CLPB: variants seen among roughly 807,000 people sequenced by gnomAD.
CLPB encodes the protein mitochondrial disaggregase.
CLPB carries 40 observed loss-of-function variants against 78.4 expected under a neutral mutation model. The observed-to-expected ratio is 0.51, with a 90% confidence interval of 0.40 to 0.66. The LOEUF is 0.66. Ranked by LOEUF, CLPB falls within the 30% of genes least tolerant of loss-of-function variation. The pLI, the probability that CLPB is intolerant of heterozygous loss-of-function variation, is 0.00. For synonymous variants in CLPB, 333 were observed against 348.0 expected (o/e 0.96, Z 0.48); for missense variants, 780 against 886.9 (o/e 0.88, Z 1.53).
intron 5 of CLPB, among the ~76,000 whole-genome samples, chr11:72,345,638 T>C (rs1950499266): frequency 6.6e-6 from 1 of 152,224 alleles, no homozygotes; most frequent in Admixed American, 6.5e-5. Flanking sequence ...CTTTGACTTT[T>C]AGAAATGAGA....
chr11:72,301,007 C>G (rs1256842992), intron 11 of CLPB, among the ~76,000 whole-genome samples: 1 of 152,212 alleles, frequency 6.6e-6, no homozygotes, highest in Non-Finnish European at 1.5e-5. Flanking sequence ...CTTTACACAG[C>G]AGCTGTGGCC....
chr11:72,317,020 T>C, intron 7 of CLPB, 86 bp downstream of exon 7: 1 of 815,044 alleles, frequency 1.2e-6, no homozygotes, highest in East Asian at 2.7e-5. Context: ...TTTAATATTA[T>C]TAACAGCGCC....
chr11:72,332,472 G>A (rs558151632), intron 5 of CLPB, among the ~76,000 whole-genome samples: 190 of 152,098 alleles, frequency 1.2e-3, no homozygotes, highest in African/African-American at 4.5e-3. Context: ...CTGGGCAACA[G>A]AGCAAGGCCT....
At chr11:72,296,614 C>CTA (rs1278022853) in intron 11 of CLPB, among the ~76,000 whole-genome samples, 2 of 152,208 alleles carry the variant, frequency 1.3e-5, no homozygotes, top group Non-Finnish European at 2.9e-5. Context: ...TGAGAGCAAG[C>CTA]AATAGAGTGA....
chr11:72,309,705 A>G (rs1949809531), intron 7 of CLPB, among the ~76,000 whole-genome samples: 1 of 152,094 alleles, frequency 6.6e-6, no homozygotes, highest in Non-Finnish European at 1.5e-5. Flanking sequence ...AAAAAGTATG[A>G]ATTTTGGTTG....
intron 7 of CLPB, chr11:72,310,831 A>T (rs1377179383): frequency 6.6e-6 from 1 of 152,126 alleles, no homozygotes; most frequent in Non-Finnish European, 1.5e-5. Flanking sequence ...GTAGCATCCC[A>T]GCCCACAGAG....
intron 4 of CLPB, among the ~76,000 whole-genome samples, chr11:72,366,792 A>T (rs1950951394): frequency 6.6e-6 from 1 of 152,218 alleles, no homozygotes. Context: ...AATGTAAATT[A>T]GTTCAGCCAC....
chr11:72,390,266 C>T (rs1374449609), intron 3 of CLPB, among the ~76,000 whole-genome samples: 1 of 150,974 alleles, frequency 6.6e-6, no homozygotes, highest in East Asian at 2.0e-4. Context: ...GGTAAAACCC[C>T]ATCTCTACTA....
At chr11:72,413,522 C>T (rs1199221113) in intron 2 of CLPB, among the ~76,000 whole-genome samples, 1 of 150,286 alleles carries the variant, frequency 6.7e-6, no homozygotes, top group East Asian at 1.9e-4. Context: ...CTTACAGAAC[C>T]ACTAACTAAT....
intron 3 of CLPB, among the ~76,000 whole-genome samples, chr11:72,388,364 CCTCAG>C (rs1186874031): frequency 6.6e-6 from 1 of 151,826 alleles, no homozygotes; most frequent in African/African-American, 2.4e-5. Flanking sequence ...CATTCTCCTG[CCTCAG>C]CCTCCTGAGT....
At chr11:72,356,762 C>T (rs1188565636) in intron 5 of CLPB, 1 of 152,120 alleles carries the variant, frequency 6.6e-6, no homozygotes, top group African/African-American at 2.4e-5. Flanking sequence ...AAAAGGCCCT[C>T]GTCTTTTCAT....
At chr11:72,327,399 A>C (rs1950150773) in intron 6 of CLPB, among the ~76,000 whole-genome samples, 1 of 152,200 alleles carries the variant, frequency 6.6e-6, no homozygotes, top group African/African-American at 2.4e-5. Context: ...TGGTGTCTGT[A>C]ATTGCCCTCC....
chr11:72,433,803 A>G (rs1194881283), intron 1 of CLPB, among the ~76,000 whole-genome samples: 5 of 152,068 alleles, frequency 3.3e-5, no homozygotes. Context: ...ATGCTATAAT[A>G]TTAGATGTTT....
intron 2 of CLPB, among the ~76,000 whole-genome samples, chr11:72,429,686 G>A (rs1343938120): frequency 4.6e-5 from 7 of 152,200 alleles, no homozygotes; most frequent in Admixed American, 3.3e-4. Flanking sequence ...CATCCATCCT[G>A]GACACAGACT....
chr11:72,336,782 C>T (rs184955777), intron 5 of CLPB: 6 of 283,820 alleles, frequency 2.1e-5, no homozygotes, highest in East Asian at 1.2e-4. Flanking sequence ...CATTCTTTTC[C>T]GTTATGAGCT....
At chr11:72,341,125 T>G (rs999295949) in intron 5 of CLPB, among the ~76,000 whole-genome samples, 1 of 152,206 alleles carries the variant, frequency 6.6e-6, no homozygotes, top group African/African-American at 2.4e-5. Context: ...TGGCAAGTTA[T>G]TTTAAGTATT....
chr11:72,391,941 T>C (rs1855265682), intron 3 of CLPB, among the ~76,000 whole-genome samples: 1 of 151,918 alleles, frequency 6.6e-6, no homozygotes, highest in African/African-American at 2.4e-5. Context: ...TCACAATAAA[T>C]GGGAGGGCAG....
chr11:72,427,373 A>G lies in CLPB; in HGVS notation c.455+2939T>C, dbSNP rs147849301. On this transcript the variant is annotated intron_variant, in intron 2 of 15. Coordinates refer to ENST00000538039, the MANE Select transcript of CLPB (RefSeq NM_001258392.3). Reference sequence around the variant, plus strand: ...ACGAGGTCTGAGTTTTGCTCTAAATACTGATATTATTGACCATATCAATCA... The same window carrying G: ...ACGAGGTCTGAGTTTTGCTCTAAATGCTGATATTATTGACCATATCAATCA... Among the ~76,000 whole-genome samples, 479 of 152,294 alleles carry G rather than the reference A, an allele frequency of 3.1e-3. 4 individuals carry two copies. Among genetic ancestry groups the G allele is most frequent in the Non-Finnish European group, 4.4e-3 (302 of 68,022 alleles).
At chr11:72,297,700 T>TGTGTGTGTGTGTGTGTGTGA (rs1294715631) in intron 11 of CLPB, among the ~76,000 whole-genome samples, 4 of 121,966 alleles carry the variant, frequency 3.3e-5, no homozygotes, top group African/African-American at 6.7e-5. Context: ...TGTGTGTGTG[T>TGTGTGTGTGTGTGTGTGTGA]GTGACATGTC....
Sources: gnomAD v4.1 joint callset for allele counts (sites outside exome capture counted in the v4.1 genomes callset) on GRCh38, gnomAD v4.1.1 for gene constraint, MANE v1.5 for transcripts, NCBI Gene and HGNC (gene_info 2026-07-23, HGNC 2026-07-21) for gene names.